Variants in CCDC141 observed in about 807,000 individuals in gnomAD.
CCDC141 encodes the protein coiled-coil domain containing 141.
In CCDC141, 168 loss-of-function variants were observed where a neutral mutation model predicts 181.0. The observed-to-expected ratio is 0.93, with a 90% CI of 0.82 to 1.05. CCDC141 has a LOEUF of 1.05. CCDC141 is among the 50% of genes least tolerant of loss of function. The pLI, the probability that CCDC141 is intolerant of heterozygous loss-of-function variation, is 0.00. For synonymous variants in CCDC141, 666 were observed against 642.3 expected, an observed-to-expected ratio of 1.04 and a Z score of -0.56; for missense variants, 1,902 against 1,788.5, an observed-to-expected ratio of 1.06 and a Z score of -1.14.
chr2:179,045,853 A>G (rs1437163220), intron 2 of CCDC141, among the ~76,000 whole-genome samples: 1 of 152,234 alleles, frequency 6.6e-6, no homozygotes, highest in Non-Finnish European at 1.5e-5. Context: ...CATAGAAAAG[A>G]CTTACCAATA....
chr2:178,866,745 G>A (rs990873993), intron 16 of CCDC141, among the ~76,000 whole-genome samples: 2 of 151,824 alleles, frequency 1.3e-5, no homozygotes, highest in African/African-American at 4.8e-5. Context: ...TTTTTGAGAT[G>A]GAGTCTTATT....
At chr2:178,839,940 C>T (rs1475204277) in intron 22 of CCDC141, among the ~76,000 whole-genome samples, 2 of 152,220 alleles carry the variant, frequency 1.3e-5, no homozygotes, top group Non-Finnish European at 2.9e-5. Flanking sequence ...AGAATCTCCA[C>T]TACAACATTT....
chr2:178,923,814 T>G (rs771162103), intron 6 of CCDC141, among the ~76,000 whole-genome samples: 3 of 152,210 alleles, frequency 2.0e-5, no homozygotes, highest in Non-Finnish European at 4.4e-5. Flanking sequence ...TTCCATTTCC[T>G]GAGGAAATTG....
At chr2:178,948,295 T>C (rs1218622912) in intron 5 of CCDC141, among the ~76,000 whole-genome samples, 2 of 152,224 alleles carry the variant, frequency 1.3e-5, no homozygotes, top group Non-Finnish European at 2.9e-5. Context: ...TTCATCCTTT[T>C]ATGTGGCTTT....
chr2:178,984,154 CA>C (rs1449848080), intron 2 of CCDC141, among the ~76,000 whole-genome samples: 3 of 151,908 alleles, frequency 2.0e-5, no homozygotes, highest in African/African-American at 7.2e-5. Context: ...GAGTGGGGGC[CA>C]ATAGTCAACA....
At chr2:178,902,114 A>G (rs1051784187) in intron 8 of CCDC141, among the ~76,000 whole-genome samples, 8 of 152,246 alleles carry the variant, frequency 5.3e-5, no homozygotes, top group African/African-American at 1.9e-4. Flanking sequence ...GAGTATACAA[A>G]CAAATGGAAG....
At chr2:178,947,883 A>G (rs1393930683) in intron 5 of CCDC141, among the ~76,000 whole-genome samples, 1 of 152,196 alleles carries the variant, frequency 6.6e-6, no homozygotes, top group Non-Finnish European at 1.5e-5. Context: ...TAGCATAAAT[A>G]TAATGAAAAT....
chr2:179,025,236 A>G (rs1242907327), intron 2 of CCDC141, among the ~76,000 whole-genome samples: 1 of 152,086 alleles, frequency 6.6e-6, no homozygotes, highest in Non-Finnish European at 1.5e-5. Flanking sequence ...AGTGCCTGAT[A>G]GGTAATTTTT....
Position 178,837,142 on chromosome 2 carries a change from T to A in CCDC141, c.4077A>T (p.Gln1359His). The A allele has an allele frequency of 6.2e-7, 1 of 1,613,950 alleles. No homozygotes were observed. The highest frequency in any genetic ancestry group is 1.1e-5 in the South Asian group (1 of 91,072). ...MHADNNFTKTQDRLHASSDAF... is the reference protein window; with the variant it reads ...MHADNNFTKTHDRLHASSDAF... ...CATCAGAGGAAGCATGCAGCCTATCTTGGGTTTTAGTGAAGTTATTATCAG... is the reference window on the plus strand; with the variant it reads ...CATCAGAGGAAGCATGCAGCCTATCATGGGTTTTAGTGAAGTTATTATCAG... The change falls in exon 23 of 24, where the codon CAA becomes CAT. Residue 1359 changes from glutamine (Q) to histidine (H), a missense_variant. Coordinates refer to ENST00000443758, the MANE Select transcript of CCDC141 (RefSeq NM_173648.4).
chr2:179,012,651 G>C (rs374811815), intron 2 of CCDC141, among the ~76,000 whole-genome samples: 24 of 152,102 alleles, frequency 1.6e-4, no homozygotes, highest in Admixed American at 9.2e-4. Flanking sequence ...AACCAGGAAA[G>C]GACATAACCA....
At chr2:178,971,290 C>T (rs1485795604) in intron 4 of CCDC141, among the ~76,000 whole-genome samples, 1 of 152,158 alleles carries the variant, frequency 6.6e-6, no homozygotes, top group Non-Finnish European at 1.5e-5. Flanking sequence ...CAAAAGAAGA[C>T]ATTTATGCAG....
At chr2:178,979,118 T>C (rs1037675187) in intron 2 of CCDC141, among the ~76,000 whole-genome samples, 19 of 152,214 alleles carry the variant, frequency 1.2e-4, no homozygotes, top group African/African-American at 4.6e-4. Context: ...TGACGATTAA[T>C]GTAAATATTA....
rs911086092 is a variant in CCDC141 at position 179,015,840 on chromosome 2, C to A, written c.225+31444G>T. ...TATCTCATATATGTATCATATATAT[C>A]TCATATATCTCATATATATCTCATA... is the stretch of plus-strand genomic sequence containing the variant. On this transcript the variant is annotated intron_variant, in intron 2 of 23. Coordinates refer to ENST00000443758, the MANE Select transcript of CCDC141 (RefSeq NM_173648.4). Among the ~76,000 whole-genome samples, 6 of 136,246 alleles carry A rather than the reference C, an allele frequency of 4.4e-5. No individual in the cohort carries two copies. The East Asian group carries it at 1.3e-3, about 29-fold the overall frequency. The allele number at this position is 136,246 out of a possible 152,430, so 89.4% of individuals were successfully genotyped here.
At chr2:179,008,263 G>A (rs570063279) in intron 2 of CCDC141, among the ~76,000 whole-genome samples, 4 of 152,282 alleles carry the variant, frequency 2.6e-5, no homozygotes, top group African/African-American at 7.2e-5. Context: ...GTTCAGCCAT[G>A]CTCATTCATT....
intron 17 of CCDC141, among the ~76,000 whole-genome samples, chr2:178,864,009 C>T (rs768555814): frequency 1.3e-5 from 2 of 152,282 alleles, no homozygotes; most frequent in East Asian, 3.9e-4. Context: ...AATAGAATTC[C>T]TGCTGGAAGG....
At chr2:178,899,417 A>G (rs1276468499) in intron 8 of CCDC141, among the ~76,000 whole-genome samples, 1 of 152,174 alleles carries the variant, frequency 6.6e-6, no homozygotes, top group African/African-American at 2.4e-5. Context: ...GGTGGTGCAC[A>G]TAGAGAGGGC....
chr2:178,981,636 G>GTGTATATATATATATATATA lies in CCDC141; in HGVS notation c.226-2962_226-2961insTATATATATATATATATACA, dbSNP rs1313433628. ...TTTGTAGCATTGAATGTGTGTGTGTGTATATATATATATATATATATACAT... is the reference window on the plus strand; with the variant it reads ...TTTGTAGCATTGAATGTGTGTGTGTGTGTATATATATATATATATATATATATATATATATATATATACAT... On this transcript the variant is annotated intron_variant, in intron 2 of 23. Coordinates refer to ENST00000443758, the MANE Select transcript of CCDC141 (RefSeq NM_173648.4). Among the ~76,000 whole-genome samples the GTGTATATATATATATATATA allele has an allele frequency of 1.7e-3, 106 of 62,356 alleles. 1 individual carries two copies. Among genetic ancestry groups the GTGTATATATATATATATATA allele is most frequent in the East Asian group, 9.3e-3 (14 of 1,500 alleles). 40.9% of individuals were successfully genotyped at this position (62,356 alleles called of 152,430 possible).
chr2:178,918,700 A>G lies in CCDC141; in HGVS notation c.1092+13T>C. The G allele has an allele frequency of 6.5e-7, 1 of 1,547,232 alleles. No individual in the cohort carries two copies. The highest frequency in any genetic ancestry group is 2.4e-5 in the East Asian group (1 of 40,882). On this transcript the variant is annotated intron_variant, in intron 7 of 23. Transcript: ENST00000443758. The stretch of plus-strand genomic sequence containing the variant: ...CTGATTACCGAAAATTATCAACTTG[A>G]CCTCACACTGACCTTGTTAGCACTG...
At chr2:179,025,144 A>G (rs2042799544) in intron 2 of CCDC141, among the ~76,000 whole-genome samples, 1 of 151,244 alleles carries the variant, frequency 6.6e-6, no homozygotes. Flanking sequence ...TCAGGGATAC[A>G]TGTGCAGGTT....
Sources: allele counts gnomAD v4.1 joint callset (sites outside exome capture counted in the v4.1 genomes callset), GRCh38; gene constraint gnomAD v4.1.1; transcripts MANE v1.5; gene names NCBI Gene and HGNC (gene_info 2026-07-23, HGNC 2026-07-21).